IGF1R: variants seen among roughly 807,000 people sequenced by gnomAD.
IGF1R encodes the protein insulin-like growth factor 1 receptor.
In IGF1R, 44 loss-of-function variants were observed where a neutral mutation model predicts 144.6. The observed-to-expected ratio is 0.30, with a 90% CI of 0.24 to 0.39. The LOEUF (loss-of-function observed/expected upper bound fraction) is 0.39, where lower values mean the gene tolerates loss of function less well. IGF1R is among the 10% of genes least tolerant of loss of function. The pLI is 1.00. For synonymous variants in IGF1R, 795 were observed against 722.8 expected (o/e 1.10, Z -1.60); for missense variants, 1,355 against 1,833.7 (o/e 0.74, Z 4.77).
Position 98,913,205 on chromosome 15 carries a change from T to C in IGF1R, c.1751T>C (p.Val584Ala). 1 of 1,614,202 alleles carries C rather than the reference T, an allele frequency of 6.2e-7. No individual in the cohort carries two copies. The highest frequency in any genetic ancestry group is 8.5e-7 in the Non-Finnish European group (1 of 1,180,044). Reference sequence around the variant, plus strand: ...CAGTACGCCGTTTACGTCAAGGCTGTGACCCTCACCATGGTGGAGAACGAC... The same window carrying C: ...CAGTACGCCGTTTACGTCAAGGCTGCGACCCTCACCATGGTGGAGAACGAC... ...WTQYAVYVKA[V>A]TLTMVENDHI... The change falls in exon 8 of 21, where the codon GTG (valine) becomes GCG (alanine). Residue 584 changes from valine to alanine, a missense_variant. Coordinates refer to ENST00000650285, the MANE Select transcript of IGF1R (RefSeq NM_000875.5).
intron 1 of IGF1R, among the ~76,000 whole-genome samples, chr15:98,659,627 T>G (rs1449762520): frequency 1.3e-5 from 2 of 152,224 alleles, no homozygotes; most frequent in Non-Finnish European, 2.9e-5. Context: ...AGGGTCTTCC[T>G]AAGTGATGCA....
intron 2 of IGF1R, among the ~76,000 whole-genome samples, chr15:98,728,666 C>T (rs1411191639): frequency 2.6e-5 from 4 of 152,260 alleles, no homozygotes; most frequent in Admixed American, 6.5e-5. Context: ...GCCGCCTGGG[C>T]GGGGTCAGGC....
Position 98,957,372 on chromosome 15 carries a change from C to T in IGF1R, c.4034C>T (p.Pro1345Leu), listed in dbSNP as rs769268437. The stretch of plus-strand genomic sequence containing the variant: ...CGCGCCAGCTTCGACGAGAGACAGC[C>T]TTACGCCCACATGAACGGGGGCCGC... ...VLRASFDERQ[P>L]YAHMNGGRKN... Residue 1345 changes from proline to leucine, a missense_variant, in exon 21 of 21, where the codon CCT (proline) becomes CTT (leucine). Physicochemically the swap from Pro to Leu is moderately conservative, Grantham distance 98. Transcript: ENST00000650285. 1.2e-6 allele frequency: 2 copies of T among 1,613,318 alleles called. No individual in the cohort carries two copies. The highest frequency in any genetic ancestry group is 3.3e-5 in the Admixed American group (2 of 60,008).
chr15:98,900,961 G>A (rs2014452345), intron 5 of IGF1R, among the ~76,000 whole-genome samples: 2 of 152,084 alleles, frequency 1.3e-5, no homozygotes, highest in Non-Finnish European at 1.5e-5. Flanking sequence ...AGACATAGAG[G>A]TGAATGCTGA....
intron 2 of IGF1R, among the ~76,000 whole-genome samples, chr15:98,737,064 G>T (rs2050412834): frequency 6.6e-6 from 1 of 152,224 alleles, no homozygotes; most frequent in Non-Finnish European, 1.5e-5. Flanking sequence ...AGTCCCTGAA[G>T]ATAGTCTTTT....
chr15:98,922,896 G>A (rs1038523805), intron 11 of IGF1R, among the ~76,000 whole-genome samples: 5 of 152,292 alleles, frequency 3.3e-5, no homozygotes, highest in African/African-American at 1.2e-4. Flanking sequence ...GCTTTCCCTT[G>A]TTGTTAGACA....
intron 2 of IGF1R, among the ~76,000 whole-genome samples, chr15:98,871,819 C>G (rs574893562): frequency 6.6e-6 from 1 of 152,288 alleles, no homozygotes; most frequent in East Asian, 1.9e-4. Flanking sequence ...ATTATAGGAG[C>G]TACAAGATGA....
At chr15:98,930,059 C>G (rs1037549197) in intron 14 of IGF1R, among the ~76,000 whole-genome samples, 176 bp from the exon 15 acceptor site, 1 of 152,244 alleles carries the variant, frequency 6.6e-6, no homozygotes, top group Non-Finnish European at 1.5e-5. Context: ...TCTGCTGGCT[C>G]ACCCAGGCCT....
intron 20 of IGF1R, among the ~76,000 whole-genome samples, chr15:98,951,911 G>A (rs931461165): frequency 2.0e-5 from 3 of 152,206 alleles, no homozygotes; most frequent in East Asian, 1.9e-4. Flanking sequence ...ATAAGCTAGC[G>A]TGGCTGTGTT....
chr15:98,895,237 C>G (rs939658566), intron 3 of IGF1R, among the ~76,000 whole-genome samples: 51 of 60,266 alleles, frequency 8.5e-4, no homozygotes, highest in East Asian at 5.4e-3. Flanking sequence ...CACACACACA[C>G]ACACACACAC....
intron 1 of IGF1R, among the ~76,000 whole-genome samples, chr15:98,654,702 C>G (rs1017450111): frequency 4.6e-5 from 7 of 152,172 alleles, no homozygotes; most frequent in Non-Finnish European, 1.0e-4. Context: ...ATTTGAACTG[C>G]TTTTCTTAGC....
At chr15:98,926,475 AATGTG>A (rs1445859851) in intron 13 of IGF1R, among the ~76,000 whole-genome samples, 2 of 152,246 alleles carry the variant, frequency 1.3e-5, no homozygotes, top group African/African-American at 4.8e-5. Context: ...CACACAAAAA[AATGTG>A]ATGTAATACA....
In IGF1R at chr15:98,769,213, A is replaced by G. The variant is rs114980827; in HGVS notation, c.640+61106A>G. On this transcript the variant is annotated intron_variant, in intron 2 of 20. Coordinates refer to ENST00000650285, the MANE Select transcript of IGF1R (RefSeq NM_000875.5). ...TAAGCAAATAGCATCAAAGAGTAAC[A>G]TTTCTGTACCTTTGTGGTATGTACC... Among the ~76,000 whole-genome samples the G allele has an allele frequency of 2.3e-3, 357 of 152,296 alleles. 4 individuals are homozygous for G. Among genetic ancestry groups the G allele is most frequent in the African/African-American group, 8.2e-3 (340 of 41,556 alleles).
intron 2 of IGF1R, among the ~76,000 whole-genome samples, chr15:98,758,286 T>A (rs2055206828): frequency 6.6e-6 from 1 of 152,112 alleles, no homozygotes; most frequent in Non-Finnish European, 1.5e-5. Flanking sequence ...TCTTCCCGTC[T>A]AGTTCTCCTT....
chr15:98,918,307 G>A (rs953287520), intron 10 of IGF1R, among the ~76,000 whole-genome samples: 4 of 151,930 alleles, frequency 2.6e-5, no homozygotes, highest in Non-Finnish European at 4.4e-5. Flanking sequence ...CACTGCCCCC[G>A]ACCCTGAGAG....
At chr15:98,888,316 ATGAAAT>A (rs2013738044) in intron 2 of IGF1R, among the ~76,000 whole-genome samples, 1 of 152,216 alleles carries the variant, frequency 6.6e-6, no homozygotes, top group Non-Finnish European at 1.5e-5. Context: ...GTTTAAAAAC[ATGAAAT>A]TGGAATACCC....
intron 2 of IGF1R, among the ~76,000 whole-genome samples, chr15:98,826,245 A>G (rs2056893042): frequency 6.6e-6 from 1 of 152,226 alleles, no homozygotes; most frequent in South Asian, 2.1e-4. Flanking sequence ...TAATCTAAAT[A>G]TTTAAAAACC....
rs1455144495 is a variant in IGF1R, at chr15:98,961,585, A to G, written c.*4143A>G. On this transcript the variant is annotated 3_prime_UTR_variant, in exon 21 of 21. Coordinates refer to ENST00000650285, the MANE Select transcript of IGF1R (RefSeq NM_000875.5). ...CTTAAGCTGAGTTGTGGCATTTTCC[A>G]TGCAACCTCCTTCTGCCAGCAGCTC... 1.3e-5 allele frequency: 3 copies of G among 233,564 alleles called. No homozygotes were observed. The highest frequency in any genetic ancestry group is 2.5e-5 in the Non-Finnish European group (3 of 118,038). The allele number at this position is 233,564 out of a possible 1,614,324, so 14.5% of individuals were successfully genotyped here.
chr15:98,665,456 C>T (rs999633641), intron 1 of IGF1R, among the ~76,000 whole-genome samples: 1 of 152,086 alleles, frequency 6.6e-6, no homozygotes, highest in Admixed American at 6.5e-5. Flanking sequence ...TCAATGTGAA[C>T]TGTGGATGTC....
Sources: gnomAD v4.1 joint callset for allele counts (sites outside exome capture counted in the v4.1 genomes callset) on GRCh38, gnomAD v4.1.1 for gene constraint, MANE v1.5 for transcripts, NCBI Gene and HGNC (gene_info 2026-07-23, HGNC 2026-07-21) for gene names.